Variants in EDIL3 observed in about 807,000 individuals in gnomAD.
EDIL3 encodes the protein EGF like and discoidin domains 3.
Under a neutral mutation model 67.4 loss-of-function variants are expected in EDIL3, and 37 were observed. The ratio of observed to expected loss-of-function variants is 0.55; its 90% CI spans 0.42 to 0.72. The LOEUF is 0.72. Ranked by LOEUF, EDIL3 falls within the 30% of genes least tolerant of loss-of-function variation. EDIL3 has a pLI of 0.00. For missense variants in EDIL3, 527 were observed against 586.3 expected, an observed-to-expected ratio of 0.90 and a Z score of 1.04; for synonymous variants, 195 against 196.3, an observed-to-expected ratio of 0.99 and a Z score of 0.05.
chr5:84,073,048 G>GCTTCTT (rs1012384082), intron 6 of EDIL3, among the ~76,000 whole-genome samples: 1 of 152,072 alleles, frequency 6.6e-6, no homozygotes, highest in Non-Finnish European at 1.5e-5. Flanking sequence ...GACAGGGGCT[G>GCTTCTT]CTTCTTCTTC....
intron 3 of EDIL3, among the ~76,000 whole-genome samples, chr5:84,221,544 A>T (rs1744341921): frequency 7.2e-6 from 1 of 139,340 alleles, no homozygotes; most frequent in Non-Finnish European, 1.5e-5. Context: ...CACACCTATC[A>T]AAAAGGAAGT....
chr5:84,326,327 G>T (rs550094470), intron 1 of EDIL3, among the ~76,000 whole-genome samples: 3 of 152,126 alleles, frequency 2.0e-5, no homozygotes, highest in East Asian at 3.9e-4. Flanking sequence ...AGGTACTTAA[G>T]AGTAGTCAAA....
At chr5:84,054,235 A>C (rs1040314152) in intron 9 of EDIL3, among the ~76,000 whole-genome samples, 4 of 152,224 alleles carry the variant, frequency 2.6e-5, no homozygotes, top group Non-Finnish European at 5.9e-5. Context: ...AGATGCAGAA[A>C]AGGCCTTTGA....
intron 1 of EDIL3, among the ~76,000 whole-genome samples, chr5:84,376,973 G>GA (rs1290255647): frequency 2.0e-5 from 3 of 152,112 alleles, no homozygotes; most frequent in Non-Finnish European, 2.9e-5. Flanking sequence ...TAAATAAACA[G>GA]AAAAAATAGC....
intron 9 of EDIL3, among the ~76,000 whole-genome samples, chr5:84,055,648 G>A (rs1437209644): frequency 1.3e-5 from 2 of 152,192 alleles, no homozygotes; most frequent in South Asian, 2.1e-4. Flanking sequence ...AGTGGGCAAA[G>A]GATATGAATG....
intron 1 of EDIL3, among the ~76,000 whole-genome samples, chr5:84,295,961 T>C (rs1487798005): frequency 6.6e-6 from 1 of 152,238 alleles, no homozygotes; most frequent in African/African-American, 2.4e-5. Context: ...TCTAACACTT[T>C]GTATTTTGGC....
chr5:84,180,453 T>C lies in EDIL3; in HGVS notation c.295A>G (p.Thr99Ala), dbSNP rs762554479. 33 of 1,609,834 alleles carry C rather than the reference T, an allele frequency of 2.0e-5. No homozygotes were observed. In the South Asian group the frequency reaches 2.1e-4, roughly 10 times the overall value. Residue 99 changes from threonine (T) to alanine (A), a missense_variant, in exon 4 of 11, where the codon ACA becomes GCA. Around this residue, in one of 2 missense-constraint regions of EDIL3, gnomAD observed 494 missense variants for 522.5 expected, o/e 0.95. Coordinates refer to ENST00000296591, the MANE Select transcript of EDIL3 (RefSeq NM_005711.5). ...CEISEAYRGD[T>A]FIGYVCKCPR... ...CATTTACAAACATAGCCTATGAATG[T>C]ATCCCCTCGGTATGCTTCACTTATT...
At chr5:84,366,882 A>T (rs756091465) in intron 1 of EDIL3, among the ~76,000 whole-genome samples, 1 of 152,206 alleles carries the variant, frequency 6.6e-6, no homozygotes, top group Non-Finnish European at 1.5e-5. Flanking sequence ...AAGCTTAATA[A>T]AGTTAGTATA....
chr5:83,979,726 T>G (rs1744936674), intron 9 of EDIL3, among the ~76,000 whole-genome samples: 1 of 152,086 alleles, frequency 6.6e-6, no homozygotes, highest in Admixed American at 6.6e-5. Context: ...TTGCCATCAT[T>G]ACCTTTTTCT....
At chr5:84,118,733 G>C (rs902927669) in intron 5 of EDIL3, among the ~76,000 whole-genome samples, 5 of 152,152 alleles carry the variant, frequency 3.3e-5, no homozygotes, top group African/African-American at 1.2e-4. Flanking sequence ...TGGGGGAATT[G>C]TTTAATCTTT....
At chr5:84,137,183 A>G in intron 5 of EDIL3, 58 bp downstream of exon 5, 1 of 1,051,330 alleles carries the variant, frequency 9.5e-7, no homozygotes, top group Non-Finnish European at 1.3e-6. Context: ...GTGTGTATAC[A>G]TACACACACA....
At chr5:83,960,830 C>A (rs10044276) in intron 10 of EDIL3, among the ~76,000 whole-genome samples, 85,492 of 150,596 alleles carry the variant, frequency 0.57, 24,431 homozygotes, top group African/African-American at 0.62. Context: ...GACAAATAGG[C>A]ACTAAATAGT....
chr5:84,066,458 T>A lies in EDIL3; in HGVS notation c.800A>T (p.Glu267Val), dbSNP rs1412058033. The A allele has an allele frequency of 2.5e-6, 4 of 1,598,138 alleles. No individual in the cohort carries two copies. Among genetic ancestry groups the A allele is most frequent in the Admixed American group, 3.6e-5 (2 of 55,296 alleles). Residue 267 changes from glutamate to valine, a missense_variant, in exon 7 of 11, where the codon GAA becomes GTA. Around this residue, in one of 2 missense-constraint regions of EDIL3, gnomAD observed 494 missense variants for 522.5 expected, o/e 0.95. Transcript: ENST00000296591. ...AGGTTAAATTATTCTTACCATGTCT[T>A]CATTGGTGCCTTTCACTTTGTACAT... ...WAMYKVKGTN[E>V]DMVFRGNIDN...
At chr5:84,002,596 C>CA (rs762375388) in intron 9 of EDIL3, among the ~76,000 whole-genome samples, 2 of 152,184 alleles carry the variant, frequency 1.3e-5, no homozygotes, top group Non-Finnish European at 2.9e-5. Context: ...TTGCAGGATG[C>CA]AAAATCAACA....
At chr5:84,127,854 A>G (rs1747894103) in intron 5 of EDIL3, among the ~76,000 whole-genome samples, 1 of 152,008 alleles carries the variant, frequency 6.6e-6, no homozygotes, top group African/African-American at 2.4e-5. Flanking sequence ...TCACTTCATC[A>G]TTCTCATGTG....
chr5:84,317,331 T>C (rs1476417730), intron 1 of EDIL3, among the ~76,000 whole-genome samples: 1 of 152,100 alleles, frequency 6.6e-6, no homozygotes, highest in African/African-American at 2.4e-5. Context: ...AGCTGATTTT[T>C]TGAAAAGATC....
chr5:84,312,819 C>A (rs1311667039), intron 1 of EDIL3, among the ~76,000 whole-genome samples: 1 of 152,172 alleles, frequency 6.6e-6, no homozygotes, highest in Non-Finnish European at 1.5e-5. Flanking sequence ...AAGTGCTCTT[C>A]TTTTAAGTTA....
intron 6 of EDIL3, among the ~76,000 whole-genome samples, chr5:84,089,332 C>T (rs2269290): frequency 0.24 from 36,009 of 152,130 alleles, 4,460 homozygotes; most frequent in Middle Eastern, 0.31. Flanking sequence ...ATCAAAAAGC[C>T]GATGAACTCC....
intron 9 of EDIL3, among the ~76,000 whole-genome samples, chr5:83,970,948 C>T (rs1389668967): frequency 6.6e-6 from 1 of 151,178 alleles, no homozygotes; most frequent in Non-Finnish European, 1.5e-5. Context: ...TAAAATATTG[C>T]TTCTGCTTCT....
Sources: allele counts gnomAD v4.1 joint callset (sites outside exome capture counted in the v4.1 genomes callset), GRCh38; gene constraint gnomAD v4.1.1; regional missense constraint gnomAD v4.1.1; transcripts MANE v1.5; gene names NCBI Gene and HGNC (gene_info 2026-07-23, HGNC 2026-07-21).